Variants in TTC7A observed in about 807,000 individuals in gnomAD.
TTC7A encodes tetratricopeptide repeat protein 7A.
TTC7A carries 110 observed loss-of-function variants against 103.7 expected under a neutral mutation model. The observed-to-expected ratio is 1.06, with a 90% CI of 0.91 to 1.24. The LOEUF is 1.24. Among genes scored for constraint, TTC7A ranks in the 50% most tolerant of loss-of-function variants. The pLI is 0.00. For missense variants in TTC7A, 1,340 were observed against 1,116.3 expected (o/e 1.20, Z -2.86); for synonymous variants, 521 against 467.9 (o/e 1.11, Z -1.47).
intron 3 of TTC7A, among the ~76,000 whole-genome samples, chr2:46,964,208 C>T (rs533074593): frequency 6.6e-6 from 1 of 152,202 alleles, no homozygotes; most frequent in Non-Finnish European, 1.5e-5. Flanking sequence ...GGTGGTGAGC[C>T]TGAACTTGAG....
chr2:46,971,003 C>T (rs1341271808), intron 3 of TTC7A, among the ~76,000 whole-genome samples: 1 of 152,208 alleles, frequency 6.6e-6, no homozygotes, highest in African/African-American at 2.4e-5. Context: ...GGGAATGTGG[C>T]TAAGAAAAAC....
intron 3 of TTC7A, among the ~76,000 whole-genome samples, chr2:46,967,681 T>C (rs1294838227): frequency 6.6e-6 from 1 of 152,232 alleles, no homozygotes; most frequent in East Asian, 1.9e-4. Context: ...CTTGGGTTGC[T>C]TCTACATTTT....
chr2:46,997,911 C>G (rs74886475), intron 8 of TTC7A, among the ~76,000 whole-genome samples: 14,950 of 152,208 alleles, frequency 0.098, 841 homozygotes, highest in Admixed American at 0.14. Context: ...CCCCCAAACC[C>G]TCCAAGTGGA....
chr2:47,042,516 GA>G (rs1238506438), intron 15 of TTC7A, among the ~76,000 whole-genome samples: 3 of 151,250 alleles, frequency 2.0e-5, no homozygotes, highest in African/African-American at 7.3e-5. Flanking sequence ...AAAAAAAAAG[GA>G]AATTTCTTTT....
chr2:46,918,258 C>A (rs59161545), intron 2 of TTC7A, among the ~76,000 whole-genome samples: 8 of 152,146 alleles, frequency 5.3e-5, no homozygotes, highest in Non-Finnish European at 1.2e-4. Flanking sequence ...TAAAATTCTA[C>A]GAGCTGTTTT....
At chr2:47,029,498 G>C in intron 15 of TTC7A, 114 bp downstream of exon 15, 1 of 1,177,798 alleles carries the variant, frequency 8.5e-7, no homozygotes, top group Non-Finnish European at 1.2e-6. Flanking sequence ...GTAAGCACCC[G>C]CTGCATGCAC....
At chr2:46,935,077 G>A (rs895801170) in intron 2 of TTC7A, among the ~76,000 whole-genome samples, 7 of 152,066 alleles carry the variant, frequency 4.6e-5, no homozygotes, top group Admixed American at 2.6e-4. Context: ...GGGATTACAG[G>A]TGTGAGCCAC....
Position 46,941,797 on chromosome 2 carries a change from C to G in TTC7A, c.184+72C>G. On this transcript the variant is annotated intron_variant, in intron 1 of 19. Transcript: ENST00000319190. The surrounding 1 kb of genome is among the most constrained non-coding windows in gnomAD (Gnocchi z 4.2). The stretch of plus-strand genomic sequence containing the variant: ...GCACCGCCTCCTCCAGGAAGCGCGC[C>G]CAGACAGTCCTCGGCCGACAGCGGG... The G allele has an allele frequency of 2.0e-6, 3 of 1,533,794 alleles. No individual in the cohort carries two copies. The highest frequency in any genetic ancestry group is 2.4e-5 in the South Asian group (2 of 82,928).
intron 8 of TTC7A, among the ~76,000 whole-genome samples, chr2:47,003,827 C>A (rs13400490): frequency 6.6e-6 from 1 of 152,174 alleles, no homozygotes; most frequent in Non-Finnish European, 1.5e-5. Flanking sequence ...TGTTGGAGGC[C>A]GCCCCTGTGG....
At chr2:46,966,032 C>G (rs1672807762) in intron 3 of TTC7A, among the ~76,000 whole-genome samples, 1 of 152,174 alleles carries the variant, frequency 6.6e-6, no homozygotes, top group Non-Finnish European at 1.5e-5. Flanking sequence ...TCACCGCAAC[C>G]TCCACCTCCC....
At chr2:46,987,600 G>A (rs1319267413) in intron 5 of TTC7A, among the ~76,000 whole-genome samples, 1 of 152,184 alleles carries the variant, frequency 6.6e-6, no homozygotes, top group Non-Finnish European at 1.5e-5. Flanking sequence ...TTTGCTCTGG[G>A]TCCAGAGTGA....
Position 47,038,026 on chromosome 2 carries a change from G to A in TTC7A, c.1803-8289G>A, listed in dbSNP as rs535700333. ...AGCACTTTGGGATGCCGAGGCGGGC[G>A]GATCATTTGAGATCAGGAGTTTGAG... On this transcript the variant is annotated intron_variant, in intron 15 of 19. Coordinates refer to ENST00000319190, the MANE Select transcript of TTC7A (RefSeq NM_020458.4). 6.6e-5 allele frequency among the ~76,000 whole-genome samples: 10 copies of A among 152,122 alleles called. No homozygotes were observed. The East Asian group carries it at 9.6e-4, about 15-fold the overall frequency.
chr2:47,051,937 CA>C, intron 18 of TTC7A, 57 bp downstream of exon 18: 1 of 1,550,254 alleles, frequency 6.5e-7, no homozygotes, highest in Non-Finnish European at 8.8e-7. Flanking sequence ...CCCATGCTCT[CA>C]GAGCCCTGTC....
At chr2:46,932,482 A>T (rs1669756382) in intron 2 of TTC7A, among the ~76,000 whole-genome samples, 1 of 152,186 alleles carries the variant, frequency 6.6e-6, no homozygotes, top group Admixed American at 6.5e-5. Context: ...GTTGATGGTT[A>T]ATAAGAGTTT....
intron 2 of TTC7A, among the ~76,000 whole-genome samples, chr2:46,930,612 G>A (rs577483284): frequency 8.8e-4 from 133 of 151,056 alleles, no homozygotes; most frequent in African/African-American, 3.1e-3. Context: ...CGATTCTCCT[G>A]CCTCAGCCTC....
chr2:47,073,969 CA>C lies in TTC7A; in HGVS notation c.*47del. On this transcript the variant is annotated 3_prime_UTR_variant, in exon 20 of 20. Transcript: ENST00000319190. ...GGGAGGGGCTGGCCAGAGGGAGAGGCAGCAGGGAACGTGGGTCAGGGTGGGG... is the reference window on the plus strand; with the variant it reads ...GGGAGGGGCTGGCCAGAGGGAGAGGCGCAGGGAACGTGGGTCAGGGTGGGG... 6.5e-7 allele frequency: 1 copy of C among 1,531,276 alleles called. No individual in the cohort carries two copies. The highest frequency in any genetic ancestry group is 8.9e-7 in the Non-Finnish European group (1 of 1,121,676). The allele number at this position is 1,531,276 out of a possible 1,614,324, so 94.9% of individuals were successfully genotyped here. A position where few individuals can be genotyped will look rare whatever the true frequency, so the allele number is the denominator to read the frequency against.
intron 14 of TTC7A, among the ~76,000 whole-genome samples, chr2:47,026,290 G>A (rs1232881425): frequency 1.3e-5 from 2 of 152,240 alleles, no homozygotes; most frequent in African/African-American, 2.4e-5. Context: ...TGCTCTAGCA[G>A]AGTCACCAGC....
intron 3 of TTC7A, among the ~76,000 whole-genome samples, chr2:46,965,276 A>G (rs1672737183): frequency 6.6e-6 from 1 of 152,236 alleles, no homozygotes; most frequent in African/African-American, 2.4e-5. Flanking sequence ...CCAGGACAGG[A>G]TATGATAGCA....
intron 18 of TTC7A, chr2:47,053,984 T>C: frequency 2.5e-6 from 1 of 404,910 alleles, no homozygotes; most frequent in Non-Finnish European, 3.3e-6. Context: ...CCAAGTAAGG[T>C]TAAAGGCCCT....
Sources: gnomAD v4.1 joint callset for allele counts (sites outside exome capture counted in the v4.1 genomes callset) on GRCh38, gnomAD v4.1.1 for gene constraint, Gnocchi (gnomAD v3.1) non-coding constraint, MANE v1.5 for transcripts, NCBI Gene and HGNC (gene_info 2026-07-23, HGNC 2026-07-21) for gene names.